CDK8: variants seen among roughly 807,000 people sequenced by gnomAD.
CDK8 encodes cyclin dependent kinase 8.
In CDK8, 29 loss-of-function variants were observed where a neutral mutation model predicts 71.5. The observed-to-expected ratio is 0.41, with a 90% CI of 0.30 to 0.55. The LOEUF is 0.55. CDK8 is among the 20% of genes least tolerant of loss of function. CDK8 has a pLI of 0.37. For synonymous variants in CDK8, 161 were observed against 192.1 expected (o/e 0.84, Z 1.34); for missense variants, 288 against 572.6 (o/e 0.50, Z 5.07).
chr13:26,318,308 T>TTA (rs1874606190), intron 1 of CDK8, among the ~76,000 whole-genome samples: 1 of 148,530 alleles, frequency 6.7e-6, no homozygotes, highest in Non-Finnish European at 1.5e-5. Context: ...GCTCTTGATT[T>TTA]AAAAAAAAAA....
chr13:26,346,896 T>A (rs1873482760), intron 2 of CDK8, among the ~76,000 whole-genome samples: 1 of 152,236 alleles, frequency 6.6e-6, no homozygotes, highest in African/African-American at 2.4e-5. Flanking sequence ...GTGTTAACTT[T>A]ACATTGATTC....
intron 1 of CDK8, among the ~76,000 whole-genome samples, chr13:26,311,762 TTA>T (rs1874293685): frequency 1.3e-4 from 1 of 7,838 alleles, no homozygotes; most frequent in Non-Finnish European, 2.4e-3. Context: ...CCAGTAGTCT[TTA>T]TCTCATTATC....
At chr13:26,288,942 G>C (rs1190174954) in intron 1 of CDK8, among the ~76,000 whole-genome samples, 1 of 151,672 alleles carries the variant, frequency 6.6e-6, no homozygotes, top group African/African-American at 2.4e-5. Context: ...GTAGAGATGG[G>C]GTTTCACTAT....
chr13:26,279,662 C>A (rs1215800904), intron 1 of CDK8, among the ~76,000 whole-genome samples: 1 of 151,944 alleles, frequency 6.6e-6, no homozygotes, highest in Admixed American at 6.6e-5. Context: ...ACTTACCAAC[C>A]AAATTCAGTG....
intron 1 of CDK8, among the ~76,000 whole-genome samples, chr13:26,302,243 C>T (rs1172999419): frequency 6.6e-6 from 1 of 152,204 alleles, no homozygotes; most frequent in Non-Finnish European, 1.5e-5. Flanking sequence ...AGACTTCAGT[C>T]GATTTCCAAA....
rs370690774 is a variant in CDK8 at position 26,339,695 on chromosome 13, T to TTTTATTTATTTATTTA, written c.204+2073_204+2088dup. Among the ~76,000 whole-genome samples the TTTTATTTATTTATTTA allele has an allele frequency of 6.5e-3, 889 of 136,404 alleles. 7 individuals are homozygous for TTTTATTTATTTATTTA. Among genetic ancestry groups the TTTTATTTATTTATTTA allele is most frequent in the Non-Finnish European group, 9.1e-3 (582 of 64,166 alleles). The allele number at this position is 136,404 out of a possible 152,430, so 89.5% of individuals were successfully genotyped here. A position where few individuals can be genotyped will look rare whatever the true frequency, so the allele number is the denominator to read the frequency against. ...AGCCAGCGGAAAGATATACTTTCCA[T>TTTTATTTATTTATTTA]TTTATTTATTTATTTATTTATTTAT... On this transcript the variant is annotated intron_variant, in intron 2 of 12. Coordinates refer to ENST00000381527, the MANE Select transcript of CDK8 (RefSeq NM_001260.3).
In CDK8 at chr13:26,373,045, T is replaced by C. The variant is rs1025194169; in HGVS notation, c.457-9769T>C. On this transcript the variant is annotated intron_variant, in intron 4 of 12. Transcript: ENST00000381527. ...CACTTCAGAGCCTTCTTGTTTTAAC[T>C]TCTGTTTGAAAAGTTCTTCTGTCCA... 5.3e-5 allele frequency among the ~76,000 whole-genome samples: 8 copies of C among 152,282 alleles called. No individual in the cohort carries two copies. In the East Asian group the frequency reaches 5.8e-4, roughly 11 times the overall value.
At chr13:26,381,563 T>C (rs1875228802) in intron 4 of CDK8, among the ~76,000 whole-genome samples, 1 of 152,088 alleles carries the variant, frequency 6.6e-6, no homozygotes, top group East Asian at 1.9e-4. Context: ...TGCATAAAAT[T>C]ACTTTCAGGA....
At chr13:26,325,680 T>C (rs1054093649) in intron 1 of CDK8, among the ~76,000 whole-genome samples, 3 of 152,180 alleles carry the variant, frequency 2.0e-5, no homozygotes, top group Non-Finnish European at 2.9e-5. Context: ...GGTGCTTCAG[T>C]ATTCCGTTTG....
At chr13:26,284,791 C>G (rs1361329407) in intron 1 of CDK8, among the ~76,000 whole-genome samples, 1 of 150,850 alleles carries the variant, frequency 6.6e-6, no homozygotes, top group Non-Finnish European at 1.5e-5. Context: ...CACCCTAATA[C>G]CAAAATCAGG....
At chr13:26,263,809 C>G (rs539769554) in intron 1 of CDK8, among the ~76,000 whole-genome samples, 8 of 149,052 alleles carry the variant, frequency 5.4e-5, no homozygotes, top group Non-Finnish European at 1.2e-4. Flanking sequence ...TGCAGTGGCA[C>G]GATCTCGGCT....
At chr13:26,389,069 G>GA (rs1875616225) in intron 6 of CDK8, among the ~76,000 whole-genome samples, 11 of 152,202 alleles carry the variant, frequency 7.2e-5, no homozygotes, top group Admixed American at 5.9e-4. Flanking sequence ...ACTCTGGGGT[G>GA]TGTTTACGCA....
intron 4 of CDK8, among the ~76,000 whole-genome samples, chr13:26,376,437 A>G (rs1186523933): frequency 6.6e-6 from 1 of 152,206 alleles, no homozygotes; most frequent in Non-Finnish European, 1.5e-5. Flanking sequence ...CAAAAATGCA[A>G]TTAATCAGAT....
In CDK8 at chr13:26,404,744, A is replaced by G. The variant is rs1876432550; in HGVS notation, c.*663A>G. On this transcript the variant is annotated 3_prime_UTR_variant, in exon 13 of 13. Coordinates refer to ENST00000381527, the MANE Select transcript of CDK8 (RefSeq NM_001260.3). ...ATAAGTTTGTTTTTATTTTCAATCT[A>G]TGACTTGACTGGTATTAAAGCTGCT... 4.5e-6 allele frequency: 1 copy of G among 224,208 alleles called. No individual in the cohort carries two copies. The highest frequency in any genetic ancestry group is 2.2e-5 in the African/African-American group (1 of 44,888). 13.9% of individuals were successfully genotyped at this position (224,208 alleles called of 1,614,324 possible). A position where few individuals can be genotyped will look rare whatever the true frequency, so the allele number is the denominator to read the frequency against.
chr13:26,257,313 G>C (rs975599436), intron 1 of CDK8, among the ~76,000 whole-genome samples: 148 of 152,128 alleles, frequency 9.7e-4, no homozygotes, highest in Non-Finnish European at 2.5e-4. Context: ...AGTGAGCATA[G>C]AACATGAATA....
At chr13:26,351,575 A>G (rs947046639) in intron 3 of CDK8, among the ~76,000 whole-genome samples, 4 of 152,164 alleles carry the variant, frequency 2.6e-5, no homozygotes, top group African/African-American at 9.7e-5. Context: ...ATTTCACTCA[A>G]TGTGATTTCT....
chr13:26,387,499 G>A (rs1005708120), intron 6 of CDK8, among the ~76,000 whole-genome samples: 2 of 152,174 alleles, frequency 1.3e-5, no homozygotes, highest in African/African-American at 4.8e-5. Context: ...TTCCTCTGAA[G>A]CCAAAGTCTT....
rs767801670 is a variant in CDK8 at position 26,343,422 on chromosome 13, TA to T, written c.205-5643del. Among the ~76,000 whole-genome samples, 34 of 152,250 alleles carry T rather than the reference TA, an allele frequency of 2.2e-4. 1 individual carries two copies. The highest frequency in any genetic ancestry group is 1.4e-3 in the Admixed American group (22 of 15,288). On this transcript the variant is annotated intron_variant, in intron 2 of 12. Coordinates refer to ENST00000381527, the MANE Select transcript of CDK8 (RefSeq NM_001260.3). ...ACAGTAAAAATACGGAATAAATGAT[TA>T]AAAAAATGGCTGTTCTGCCTATGGA...
At position 26,374,876 on chromosome 13, in the gene CDK8, GAAACCTTAAAAATGTTTATAT is replaced by G. The variant is rs568955540; in HGVS notation, c.457-7937_457-7917del. ...CGCAAAATCTGTTAATACGTATCAAGAAACCTTAAAAATGTTTATATTCTTTACCCAGCAATTTTAGGAATT... is the reference window on the plus strand; with the variant it reads ...CGCAAAATCTGTTAATACGTATCAAGTCTTTACCCAGCAATTTTAGGAATT... On this transcript the variant is annotated intron_variant, in intron 4 of 12. Coordinates refer to ENST00000381527, the MANE Select transcript of CDK8 (RefSeq NM_001260.3). Among the ~76,000 whole-genome samples the G allele has an allele frequency of 3.0e-3, 457 of 152,168 alleles. 2 individuals are homozygous for G. The highest frequency in any genetic ancestry group is 5.2e-3 in the Non-Finnish European group (352 of 67,992).
Sources: gnomAD v4.1 joint callset for allele counts (sites outside exome capture counted in the v4.1 genomes callset) on GRCh38, gnomAD v4.1.1 for gene constraint, MANE v1.5 for transcripts, NCBI Gene and HGNC (gene_info 2026-07-23, HGNC 2026-07-21) for gene names.